Variants in PKP3 observed in about 807,000 individuals in gnomAD.
PKP3 encodes the protein plakophilin-3.
In PKP3, 66 loss-of-function variants were observed where a neutral mutation model predicts 76.5. That is an observed-to-expected ratio of 0.86 (90% CI 0.71 to 1.06). The LOEUF (loss-of-function observed/expected upper bound fraction) is 1.06, where lower values mean the gene tolerates loss of function less well. Ranked by LOEUF, PKP3 falls within the 50% of genes least tolerant of loss-of-function variation. The pLI, the probability that PKP3 is intolerant of heterozygous loss-of-function variation, is 0.00. For synonymous variants in PKP3, 638 were observed against 516.5 expected (o/e 1.24, Z -3.19); for missense variants, 1,338 against 1,141.0 (o/e 1.17, Z -2.49).
rs904252674 is a variant in PKP3 at position 399,213 on chromosome 11, C to T, written c.1273+17C>T. The T allele has an allele frequency of 3.3e-6, 5 of 1,520,002 alleles. No individual in the cohort carries two copies. The highest frequency in any genetic ancestry group is 4.4e-6 in the Non-Finnish European group (5 of 1,124,818). 94.2% of individuals were successfully genotyped at this position (1,520,002 alleles called of 1,614,324 possible). On this transcript the variant is annotated intron_variant, in intron 5 of 12. Coordinates refer to ENST00000331563, the MANE Select transcript of PKP3 (RefSeq NM_007183.4). Reference sequence around the variant, plus strand: ...ATGTCACAGGTGCTGCCTGTCCCCTCCTCCACCTGTCCTTCCTCCACCTGC... The same window carrying T: ...ATGTCACAGGTGCTGCCTGTCCCCTTCTCCACCTGTCCTTCCTCCACCTGC...
At chr11:395,176 A>C (rs1300574864) in intron 1 of PKP3, among the ~76,000 whole-genome samples, 1 of 152,208 alleles carries the variant, frequency 6.6e-6, no homozygotes, top group East Asian at 1.9e-4. Context: ...AGTGTGAGTG[A>C]CAGGAGCACA....
Position 397,572 on chromosome 11 carries a change from G to A in PKP3, c.978G>A (p.Lys326=). The change falls in exon 4 of 13, where the codon AAG becomes AAA. Residue 326 remains lysine, a synonymous_variant. Transcript: ENST00000331563. ...FDDIDLPSAV[K]YLMASDPNLQ... is the part of the protein sequence containing the mutation. The stretch of plus-strand genomic sequence containing the variant: ...ACATTGACCTGCCCTCAGCAGTCAA[G>A]TACCTCATGGCTTCAGACCCCAACC... 4 of 1,612,200 alleles carry A rather than the reference G, an allele frequency of 2.5e-6. No homozygotes were observed. Among genetic ancestry groups the A allele is most frequent in the Non-Finnish European group, 3.4e-6 (4 of 1,179,582 alleles).
In PKP3 at chr11:400,130, C is replaced by T. The variant is rs769714232; in HGVS notation, c.1437C>T (p.Thr479=). 4.5e-6 allele frequency: 7 copies of T among 1,560,548 alleles called. No individual in the cohort carries two copies. Among genetic ancestry groups the T allele is most frequent in the African/African-American group, 1.4e-5 (1 of 72,818 alleles). The change falls in exon 6 of 13, where the codon ACC becomes ACT. Residue 479 remains threonine (T), a synonymous_variant. Coordinates refer to ENST00000331563, the MANE Select transcript of PKP3 (RefSeq NM_007183.4). ...ASEAEIFYNA[T]GFLRNLSSAS... is the part of the protein sequence containing the mutation. ...AGGCAGAGATCTTCTACAACGCCACCGGCTTCCTCAGGTGCGCCAGCCTCG... is the reference window on the plus strand; with the variant it reads ...AGGCAGAGATCTTCTACAACGCCACTGGCTTCCTCAGGTGCGCCAGCCTCG...
At chr11:395,208 T>C (rs768342389) in intron 1 of PKP3, among the ~76,000 whole-genome samples, 12 of 152,160 alleles carry the variant, frequency 7.9e-5, no homozygotes, top group Non-Finnish European at 1.8e-4. Context: ...TTGAAGGCAG[T>C]GGTTCTAGGA....
Position 398,880 on chromosome 11 carries a change from G to A in PKP3, c.1069-112G>A, listed in dbSNP as rs554237609. 7 of 820,724 alleles carry A rather than the reference G, an allele frequency of 8.5e-6. No individual in the cohort carries two copies. The Admixed American group carries it at 9.9e-5, about 12-fold the overall frequency. 50.8% of individuals were successfully genotyped at this position (820,724 alleles called of 1,614,324 possible). A position where few individuals can be genotyped will look rare whatever the true frequency, so the allele number is the denominator to read the frequency against. ...ACACACCTCCGTCACCTCCCTATAC[G>A]GCTGCATCCCCTGCATATCTACATC... is the stretch of plus-strand genomic sequence containing the variant. On this transcript the variant is annotated intron_variant, in intron 4 of 12. Coordinates refer to ENST00000331563, the MANE Select transcript of PKP3 (RefSeq NM_007183.4).
At position 394,270 on chromosome 11, in the gene PKP3, C is replaced by T. The variant is rs1288644431; in HGVS notation, c.-23C>T. On this transcript the variant is annotated 5_prime_UTR_variant, in exon 1 of 13. Transcript: ENST00000331563. Reference sequence around the variant, plus strand: ...TTGGGTTTGGAGGCGGCCGCCAGGCCCAGGCCCGGTGGACCTGCCGCCATG... The same window carrying T: ...TTGGGTTTGGAGGCGGCCGCCAGGCTCAGGCCCGGTGGACCTGCCGCCATG... 5 of 1,487,312 alleles carry T rather than the reference C, an allele frequency of 3.4e-6. No individual in the cohort carries two copies. Among genetic ancestry groups the T allele is most frequent in the South Asian group, 1.3e-5 (1 of 78,600 alleles). The allele number at this position is 1,487,312 out of a possible 1,614,324, so 92.1% of individuals were successfully genotyped here.
In PKP3 at chr11:399,101, C is replaced by T. The variant is rs1166290871; in HGVS notation, c.1178C>T (p.Ala393Val). Residue 393 changes from alanine (A) to valine (V), a missense_variant, in exon 5 of 13, where the codon GCT becomes GTT. Ala to Val is a moderately conservative substitution (Grantham distance 64, BLOSUM62 0). Coordinates refer to ENST00000331563, the MANE Select transcript of PKP3 (RefSeq NM_007183.4). ...ATGCGCAACCTCATCTACGACAACG[C>T]TGACAACAAGCTGGCCCTGGTGGAG... ...GAMRNLIYDN[A>V]DNKLALVEEN... is the part of the protein sequence containing the mutation. 1 of 1,612,098 alleles carries T rather than the reference C, an allele frequency of 6.2e-7. No homozygotes were observed. Among genetic ancestry groups the T allele is most frequent in the Admixed American group, 1.7e-5 (1 of 59,986 alleles).
chr11:394,301 C>T lies in PKP3; in HGVS notation c.9C>T (p.Asp3=), dbSNP rs761368618. The T allele has an allele frequency of 1.1e-5, 17 of 1,513,278 alleles. No individual in the cohort carries two copies. Among genetic ancestry groups the T allele is most frequent in the South Asian group, 1.1e-4 (9 of 82,326 alleles). 93.7% of individuals were successfully genotyped at this position (1,513,278 alleles called of 1,614,324 possible). ...CCGGTGGACCTGCCGCCATGCAGGA[C>T]GGTAACTTCCTGCTGTCGGCCCTGC... MQ[D]GNFLLSALQP... Residue 3 remains aspartate, a synonymous_variant, in exon 1 of 13, where the codon GAC becomes GAT. Transcript: ENST00000331563.
chr11:397,851 C>T, intron 4 of PKP3, 189 bp downstream of exon 4: 1 of 605,108 alleles, frequency 1.7e-6, no homozygotes, highest in South Asian at 2.0e-5. Flanking sequence ...CCAGTATCAC[C>T]TGCATCACCT....
chr11:396,932 G>A lies in PKP3; in HGVS notation c.431G>A (p.Gly144Glu). The A allele has an allele frequency of 6.3e-7, 1 of 1,595,762 alleles. No homozygotes were observed. Among genetic ancestry groups the A allele is most frequent in the Non-Finnish European group, 8.5e-7 (1 of 1,175,382 alleles). The change falls in exon 3 of 13, where the codon GGG (glycine) becomes GAG (glutamate). Residue 144 changes from glycine to glutamate, a missense_variant. Transcript: ENST00000331563. ...SSAHNGGSAF[G>E]AAGYGGAQPT... The stretch of plus-strand genomic sequence containing the variant: ...GCCCACAACGGGGGCAGCGCCTTTG[G>A]GGCCGCTGGGTACGGGGGTGCCCAG...
chr11:399,905 T>A, intron 5 of PKP3, 62 bp from the exon 6 acceptor site: 1 of 1,394,520 alleles, frequency 7.2e-7, no homozygotes, highest in Non-Finnish European at 9.8e-7. Flanking sequence ...CTTCACACCA[T>A]CCCCAGAAAC....
upstream of PKP3, chr11:394,013 G>C: frequency 2.4e-6 from 1 of 414,456 alleles, no homozygotes; most frequent in Non-Finnish European, 4.3e-6. Flanking sequence ...GTTGTGGGAT[G>C]GGAGAAAAGG....
chr11:397,293 C>G lies in PKP3; in HGVS notation c.792C>G (p.Gly264=). 1.3e-6 allele frequency: 2 copies of G among 1,593,048 alleles called. No individual in the cohort carries two copies. The highest frequency in any genetic ancestry group is 1.1e-5 in the South Asian group (1 of 89,500). ...GCAGCCACCGGAGCCGCGGGGTAGG[C>G]GGGGCAGTGCCGGGGGCCGTCCTGG... is the stretch of plus-strand genomic sequence containing the variant. ...FQSSHRSRGV[G]GAVPGAVLEP... Residue 264 remains glycine (G), a synonymous_variant, in exon 3 of 13, where the codon GGC becomes GGG. Coordinates refer to ENST00000331563, the MANE Select transcript of PKP3 (RefSeq NM_007183.4).
In PKP3 at chr11:396,603, C is replaced by G; in HGVS notation, c.233-5C>G. 6.3e-7 allele frequency: 1 copy of G among 1,598,700 alleles called. No homozygotes were observed. Among genetic ancestry groups the G allele is most frequent in the East Asian group, 2.2e-5 (1 of 44,676 alleles). On this transcript the variant is annotated splice_region_variant and splice_polypyrimidine_tract_variant and intron_variant, in intron 1 of 12. Coordinates refer to ENST00000331563, the MANE Select transcript of PKP3 (RefSeq NM_007183.4). ...GAGCTGGGCTACCACCGTCCCTCTCCACAGGCACATCCAGGGGGCAGTACC... is the reference window on the plus strand; with the variant it reads ...GAGCTGGGCTACCACCGTCCCTCTCGACAGGCACATCCAGGGGGCAGTACC...
rs1490419148 is a variant in PKP3 at position 404,649 on chromosome 11, C to A, written c.*80C>A. The A allele has an allele frequency of 7.1e-7, 1 of 1,411,158 alleles. No individual in the cohort carries two copies. Among genetic ancestry groups the A allele is most frequent in the Non-Finnish European group, 1.0e-6 (1 of 999,884 alleles). 87.4% of individuals were successfully genotyped at this position (1,411,158 alleles called of 1,614,324 possible). On this transcript the variant is annotated 3_prime_UTR_variant, in exon 13 of 13. Transcript: ENST00000331563. This position sits in a 1 kb window ranked among gnomAD's most constrained non-coding sequence, Gnocchi z 4.2. The stretch of plus-strand genomic sequence containing the variant: ...AGCTCCAGGCTGCTTGGCAGCCCAG[C>A]CTGGAGGAGAAGGCTAATGACGGAG...
At position 396,917 on chromosome 11, in the gene PKP3, G is replaced by C. The variant is rs61876286; in HGVS notation, c.416G>C (p.Gly139Ala). 4 of 1,595,014 alleles carry C rather than the reference G, an allele frequency of 2.5e-6. No individual in the cohort carries two copies. Among genetic ancestry groups the C allele is most frequent in the East Asian group, 2.2e-5 (1 of 44,456 alleles). Residue 139 changes from glycine to alanine, a missense_variant, in exon 3 of 13, where the codon GGG becomes GCG. Gly to Ala is a moderately conservative substitution (Grantham distance 60). Coordinates refer to ENST00000331563, the MANE Select transcript of PKP3 (RefSeq NM_007183.4). ...CSRRLSSAHN[G>A]GSAFGAAGYG... ...CGGAGGCTGAGTTCAGCCCACAACGGGGGCAGCGCCTTTGGGGCCGCTGGG... is the reference window on the plus strand; with the variant it reads ...CGGAGGCTGAGTTCAGCCCACAACGCGGGCAGCGCCTTTGGGGCCGCTGGG...
rs780721407 is a variant in PKP3 at position 400,636 on chromosome 11, G to A, written c.1668G>A (p.Arg556=). 3.6e-6 allele frequency: 5 copies of A among 1,384,960 alleles called. No homozygotes were observed. In the African/African-American group the frequency reaches 4.6e-5, roughly 13 times the overall value. 85.8% of individuals were successfully genotyped at this position (1,384,960 alleles called of 1,614,324 possible). Residue 556 remains arginine, a synonymous_variant, in exon 8 of 13, where the codon AGG becomes AGA. Coordinates refer to ENST00000331563, the MANE Select transcript of PKP3 (RefSeq NM_007183.4). ...AGCGGCTGGAGGGTCGCGGCCGCAG[G>A]GACCTGGCGGGGGCGCCGCCGGGAG... ...ALQRLEGRGR[R]DLAGAPPGEV...
Position 396,609 on chromosome 11 carries a change from C to T in PKP3, c.234C>T (p.Gly78=), listed in dbSNP as rs757541387. Reference sequence around the variant, plus strand: ...GGCTACCACCGTCCCTCTCCACAGGCACATCCAGGGGGCAGTACCACACCC... The same window carrying T: ...GGCTACCACCGTCCCTCTCCACAGGTACATCCAGGGGGCAGTACCACACCC... The part of the protein sequence containing the change: ...EPEPEAETAR[G]TSRGQYHTLQ... Residue 78 remains glycine, a splice_region_variant and synonymous_variant, in exon 2 of 13, where the codon GGC becomes GGT. Transcript: ENST00000331563. 4.4e-6 allele frequency: 7 copies of T among 1,601,992 alleles called. No homozygotes were observed. The highest frequency in any genetic ancestry group is 2.2e-5 in the East Asian group (1 of 44,742).
At chr11:393,240 A>C, upstream of PKP3, among the ~76,000 whole-genome samples, 1 of 146,270 alleles carries the variant, frequency 6.8e-6, no homozygotes, top group African/African-American at 2.5e-5. Flanking sequence ...GCCCCCCACT[A>C]CCCCACCCCC....
Sources: gnomAD v4.1 joint callset for allele counts (sites outside exome capture counted in the v4.1 genomes callset) on GRCh38, gnomAD v4.1.1 for gene constraint, Gnocchi (gnomAD v3.1) non-coding constraint, MANE v1.5 for transcripts, NCBI Gene and HGNC (gene_info 2026-07-23, HGNC 2026-07-21) for gene names.